STXBP5L: variants seen among roughly 807,000 people sequenced by gnomAD.
STXBP5L encodes syntaxin-binding protein 5-like.
STXBP5L carries 65 observed loss-of-function variants against 144.5 expected under a neutral mutation model. The observed-to-expected ratio is 0.45, with a 90% CI of 0.37 to 0.55. STXBP5L has a LOEUF of 0.55. STXBP5L is among the 20% of genes least tolerant of loss of function. STXBP5L has a pLI of 0.00. For missense variants in STXBP5L, 1,298 were observed against 1,405.5 expected, an observed-to-expected ratio of 0.92 and a Z score of 1.22; for synonymous variants, 505 against 469.6, an observed-to-expected ratio of 1.08 and a Z score of -0.97.
At chr3:121,053,110 AG>A (rs1484312608) in intron 5 of STXBP5L, among the ~76,000 whole-genome samples, 1 of 152,246 alleles carries the variant, frequency 6.6e-6, no homozygotes, top group African/African-American at 2.4e-5. Flanking sequence ...AACAAATGGA[AG>A]AACATTCCAT....
intron 2 of STXBP5L, among the ~76,000 whole-genome samples, chr3:120,937,527 C>T (rs1282074372): frequency 3.3e-5 from 5 of 152,170 alleles, no homozygotes; most frequent in African/African-American, 1.2e-4. Flanking sequence ...GGTTTCTGCT[C>T]AGGTATGTTG....
intron 3 of STXBP5L, among the ~76,000 whole-genome samples, chr3:121,005,494 CA>C (rs1251559905): frequency 7.2e-5 from 11 of 151,898 alleles, no homozygotes; most frequent in African/African-American, 2.4e-5. Flanking sequence ...GATCTTTTCA[CA>C]AAACCAGCTC....
chr3:120,989,009 G>A (rs778435155), intron 3 of STXBP5L, among the ~76,000 whole-genome samples: 1 of 151,850 alleles, frequency 6.6e-6, no homozygotes, highest in Admixed American at 6.6e-5. Context: ...CTTTTTTTAA[G>A]GCCGAATAAT....
chr3:121,104,182 TG>T (rs1282900968), intron 5 of STXBP5L, among the ~76,000 whole-genome samples: 1 of 152,166 alleles, frequency 6.6e-6, no homozygotes, highest in Admixed American at 6.6e-5. Flanking sequence ...ATAATAAAAA[TG>T]TTATAATTTT....
At chr3:121,122,743 G>A (rs2044524833) in intron 7 of STXBP5L, among the ~76,000 whole-genome samples, 1 of 151,462 alleles carries the variant, frequency 6.6e-6, no homozygotes, top group African/African-American at 2.4e-5. Context: ...AACTCAGAAA[G>A]TATTCAAAGA....
At chr3:121,121,555 G>A (rs1210505613) in intron 6 of STXBP5L, 86 bp from the exon 7 acceptor site, 5 of 951,828 alleles carry the variant, frequency 5.3e-6, no homozygotes, top group Non-Finnish European at 8.0e-6. Context: ...TTATTCCAGT[G>A]TAATCTTAAT....
chr3:120,920,608 A>T (rs1709315967), intron 2 of STXBP5L, among the ~76,000 whole-genome samples: 1 of 151,694 alleles, frequency 6.6e-6, no homozygotes, highest in Non-Finnish European at 1.5e-5. Context: ...CTTGATTCAA[A>T]ATATATATAT....
chr3:120,976,195 G>A (rs987709803), intron 3 of STXBP5L, among the ~76,000 whole-genome samples: 1 of 152,154 alleles, frequency 6.6e-6, no homozygotes, highest in Admixed American at 6.5e-5. Context: ...TGGTTGGTAA[G>A]CTATTGATTA....
chr3:121,175,129 A>T (rs534348653), intron 9 of STXBP5L, among the ~76,000 whole-genome samples: 30 of 152,254 alleles, frequency 2.0e-4, no homozygotes, highest in Non-Finnish European at 2.6e-4. Context: ...AAACTATATG[A>T]CATGTAACAA....
intron 20 of STXBP5L, among the ~76,000 whole-genome samples, chr3:121,320,623 C>T (rs780151123): frequency 1.3e-5 from 2 of 151,646 alleles, no homozygotes; most frequent in Non-Finnish European, 2.9e-5. Flanking sequence ...CTGTTTTTAG[C>T]CCTTTGCCTA....
intron 5 of STXBP5L, among the ~76,000 whole-genome samples, chr3:121,097,755 A>G (rs952609703): frequency 6.6e-6 from 1 of 152,092 alleles, no homozygotes; most frequent in African/African-American, 2.4e-5. Context: ...AGCTGTTCCT[A>G]TTCGGCCATT....
chr3:121,228,948 T>C (rs2049212976), intron 11 of STXBP5L, among the ~76,000 whole-genome samples: 1 of 152,196 alleles, frequency 6.6e-6, no homozygotes, highest in African/African-American at 2.4e-5. Context: ...ATTTTTAAAC[T>C]TTGTATCAGT....
chr3:121,111,943 CAG>C (rs2044006231), intron 5 of STXBP5L, among the ~76,000 whole-genome samples: 1 of 152,128 alleles, frequency 6.6e-6, no homozygotes, highest in Non-Finnish European at 1.5e-5. Flanking sequence ...GAAATTCCTG[CAG>C]AGAGGCCCCC....
chr3:121,205,564 A>G (rs2048304360), intron 9 of STXBP5L, among the ~76,000 whole-genome samples: 1 of 152,212 alleles, frequency 6.6e-6, no homozygotes, highest in Non-Finnish European at 1.5e-5. Context: ...ACATTTCATT[A>G]TGTAGATAAG....
intron 3 of STXBP5L, among the ~76,000 whole-genome samples, chr3:121,013,020 G>T (rs1434244556): frequency 7.4e-5 from 2 of 27,090 alleles, no homozygotes; most frequent in Non-Finnish European, 1.3e-4. Context: ...CAATGGACAC[G>T]ATTTTATTCT....
intron 5 of STXBP5L, among the ~76,000 whole-genome samples, chr3:121,097,783 G>A (rs2043205801): frequency 6.6e-6 from 1 of 152,064 alleles, no homozygotes; most frequent in Non-Finnish European, 1.5e-5. Context: ...CTATCCCCTT[G>A]TTTGCCAGTA....
chr3:120,920,143 T>C (rs1709291681), intron 2 of STXBP5L, among the ~76,000 whole-genome samples: 1 of 151,852 alleles, frequency 6.6e-6, no homozygotes, highest in South Asian at 2.1e-4. Flanking sequence ...ACTATTAACA[T>C]ACGAAAGTAA....
At chr3:121,153,552 T>TA (rs564584773) in intron 8 of STXBP5L, among the ~76,000 whole-genome samples, 116 of 151,996 alleles carry the variant, frequency 7.6e-4, no homozygotes, top group African/African-American at 2.6e-3. Flanking sequence ...ATTGGAGGGA[T>TA]AAAAAAAGTC....
chr3:121,180,133 T>A (rs1426254453), intron 9 of STXBP5L, among the ~76,000 whole-genome samples: 2 of 152,104 alleles, frequency 1.3e-5, no homozygotes, highest in East Asian at 3.9e-4. Flanking sequence ...AGGCACATAG[T>A]CATCAGGTGG....
Sources: allele counts gnomAD v4.1 joint callset (sites outside exome capture counted in the v4.1 genomes callset), GRCh38; gene constraint gnomAD v4.1.1; transcripts MANE v1.5; gene names NCBI Gene and HGNC (gene_info 2026-07-23, HGNC 2026-07-21).